RILPL1: variants seen among roughly 807,000 people sequenced by gnomAD.
The protein encoded by RILPL1 is RILP-like protein 1.
Under a neutral mutation model 50.3 loss-of-function variants are expected in RILPL1, and 33 were observed. The observed-to-expected ratio is 0.66, with a 90% CI of 0.50 to 0.88. RILPL1 has a LOEUF of 0.88. RILPL1 is among the 40% of genes least tolerant of loss of function. The pLI is 0.00. For missense variants in RILPL1, 418 were observed against 542.5 expected (o/e 0.77, Z 2.28); for synonymous variants, 205 against 228.6 (o/e 0.90, Z 0.93).
At chr12:123,517,940 GA>G (rs999954204) in intron 2 of RILPL1, among the ~76,000 whole-genome samples, 2 of 152,084 alleles carry the variant, frequency 1.3e-5, no homozygotes. Context: ...GATAAACCTC[GA>G]AAACATGTTA....
chr12:123,484,250 G>A lies in RILPL1; in HGVS notation c.997C>T (p.Arg333Ter). The A allele has an allele frequency of 7.5e-6, 12 of 1,609,682 alleles. No individual in the cohort carries two copies. Among genetic ancestry groups the A allele is most frequent in the Non-Finnish European group, 9.4e-6 (11 of 1,176,012 alleles). ...GCGATGGGTGGGGGTTGGGGTATTC[G>A]GTTTTCCTCTTCCATTTCTTCACTG... ...YKSEEMEEEN[R>*]IPQPPPIAHP... is the part of the protein sequence containing the mutation. The change falls in exon 6 of 7, where the codon CGA becomes TGA. Residue 333 changes from arginine to a stop codon, truncating the protein, a stop_gained. Transcript: ENST00000376874. LOFTEE classifies it high-confidence loss of function.
intron 2 of RILPL1, among the ~76,000 whole-genome samples, chr12:123,510,360 GGTGTGGTGTGTGTGTGTGT>G (rs1270250909): frequency 6.6e-6 from 1 of 152,162 alleles, no homozygotes; most frequent in African/African-American, 2.4e-5. Flanking sequence ...GCATGTGGGG[GGTGTGGTGTGTGTGTGTGT>G]GTGTGGTGTG....
intron 1 of RILPL1, among the ~76,000 whole-genome samples, chr12:123,526,916 A>G (rs770313050): frequency 1.3e-5 from 2 of 152,196 alleles, no homozygotes; most frequent in Non-Finnish European, 2.9e-5. Context: ...GGCTCAGAGA[A>G]TATCAGTCAA....
Position 123,522,884 on chromosome 12 carries a change from C to A in RILPL1, c.460+611G>T, listed in dbSNP as rs79370578. On this transcript the variant is annotated intron_variant, in intron 2 of 6. Coordinates refer to ENST00000376874, the MANE Select transcript of RILPL1 (RefSeq NM_178314.5). The surrounding 1 kb of genome is among the most constrained non-coding windows in gnomAD (Gnocchi z 4.0). ...CTGGGATCACAGGTGTGAGCCACTG[C>A]GCGCGGCCTACACCGGCCTTCTTGG... Among the ~76,000 whole-genome samples, 10 of 152,116 alleles carry A rather than the reference C, an allele frequency of 6.6e-5. No individual in the cohort carries two copies. Among genetic ancestry groups the A allele is most frequent in the Non-Finnish European group, 4.4e-5 (3 of 68,016 alleles).
At chr12:123,520,122 A>G (rs1884942761) in intron 2 of RILPL1, among the ~76,000 whole-genome samples, 1 of 152,244 alleles carries the variant, frequency 6.6e-6, no homozygotes, top group South Asian at 2.1e-4. Flanking sequence ...ATAGGTCCAC[A>G]CAAAAGCTTG....
intron 1 of RILPL1, among the ~76,000 whole-genome samples, chr12:123,528,840 G>A (rs566629093): frequency 6.6e-5 from 10 of 151,564 alleles, no homozygotes; most frequent in Non-Finnish European, 8.8e-5. Flanking sequence ...GCTGATTCTC[G>A]CCTCTGAGTT....
intron 2 of RILPL1, among the ~76,000 whole-genome samples, chr12:123,507,694 CACTTT>C (rs1415437601): frequency 6.6e-6 from 1 of 152,046 alleles, no homozygotes; most frequent in Non-Finnish European, 1.5e-5. Context: ...GTAATCCCAG[CACTTT>C]GGAAGGCCGG....
At chr12:123,476,457 A>G (rs929569701) in intron 6 of RILPL1, among the ~76,000 whole-genome samples, 5 of 149,728 alleles carry the variant, frequency 3.3e-5, no homozygotes, top group African/African-American at 1.2e-4. Flanking sequence ...AAAAAAGAAA[A>G]AAAGAAATAG....
chr12:123,533,383 C>A lies in RILPL1; in HGVS notation c.100G>T (p.Val34Leu). 1 of 1,563,546 alleles carries A rather than the reference C, an allele frequency of 6.4e-7. No individual in the cohort carries two copies. The highest frequency in any genetic ancestry group is 8.7e-7 in the Non-Finnish European group (1 of 1,155,654). Residue 34 changes from valine to leucine, a missense_variant, in exon 1 of 7, where the codon GTG (valine) becomes TTG (leucine). Val to Leu is a conservative substitution (Grantham distance 32). Transcript: ENST00000376874. The surrounding 1 kb of genome is among the most constrained non-coding windows in gnomAD (Gnocchi z 6.2). ...ATGACCCGCTCGAACTCGTGGCCCA[C>A]AAGCGACGCGATGTCGTACACGTCC... is the stretch of plus-strand genomic sequence containing the variant. ...VMDVYDIASL[V>L]GHEFERVIDQ...
At chr12:123,503,686 A>G (rs1883549505) in intron 2 of RILPL1, among the ~76,000 whole-genome samples, 1 of 152,068 alleles carries the variant, frequency 6.6e-6, no homozygotes. Context: ...GGCTCACCCA[A>G]GTAAGCCAGG....
chr12:123,511,402 GTGTGTGTGAGGTC>G, intron 2 of RILPL1, among the ~76,000 whole-genome samples: 1 of 144,226 alleles, frequency 6.9e-6, no homozygotes, highest in South Asian at 2.2e-4. Flanking sequence ...TGTGAGGTCT[GTGTGTGTGAGGTC>G]TGTGTGTGAG....
intron 6 of RILPL1, among the ~76,000 whole-genome samples, chr12:123,476,439 C>T (rs938981547): frequency 6.1e-5 from 9 of 148,306 alleles, no homozygotes; most frequent in Non-Finnish European, 1.2e-4. Context: ...AAAACTCCAT[C>T]TCAAGAAAAA....
intron 6 of RILPL1, among the ~76,000 whole-genome samples, chr12:123,477,711 T>C (rs774271297): frequency 6.6e-5 from 10 of 152,054 alleles, no homozygotes; most frequent in Non-Finnish European, 1.2e-4. Flanking sequence ...GCTAAGTGAA[T>C]GGGCCCCAGA....
At chr12:123,479,186 T>C (rs1395985094) in intron 6 of RILPL1, among the ~76,000 whole-genome samples, 1 of 152,082 alleles carries the variant, frequency 6.6e-6, no homozygotes, top group Non-Finnish European at 1.5e-5. Flanking sequence ...TAAATGTCAG[T>C]GGGCTTCTCT....
At chr12:123,515,326 T>C (rs917000300) in intron 2 of RILPL1, 2 of 151,992 alleles carry the variant, frequency 1.3e-5, no homozygotes, top group African/African-American at 2.4e-5. Context: ...TGTGTGTAGA[T>C]AGAAAGGGAA....
At chr12:123,525,700 CAAA>C (rs1207503097) in intron 1 of RILPL1, among the ~76,000 whole-genome samples, 5 of 44,984 alleles carry the variant, frequency 1.1e-4, no homozygotes, top group African/African-American at 2.1e-4. Context: ...GACACTGTCT[CAAA>C]AAAAAAAAAA....
intron 2 of RILPL1, among the ~76,000 whole-genome samples, chr12:123,513,147 TGTG>T: frequency 6.7e-6 from 1 of 150,318 alleles, no homozygotes; most frequent in African/African-American, 2.4e-5. Context: ...TCCGTGTGTG[TGTG>T]GTGTGAGGTC....
intron 6 of RILPL1, among the ~76,000 whole-genome samples, chr12:123,481,460 G>A (rs1291379133): frequency 1.3e-5 from 2 of 152,064 alleles, no homozygotes; most frequent in Non-Finnish European, 2.9e-5. Flanking sequence ...AGCCCACAGA[G>A]GAAAACCAAG....
chr12:123,493,095 C>T (rs1336446098), intron 4 of RILPL1, among the ~76,000 whole-genome samples: 1 of 152,078 alleles, frequency 6.6e-6, no homozygotes, highest in African/African-American at 2.4e-5. Flanking sequence ...AAGAGGAAGG[C>T]ATCTGTCTCC....
Sources: gnomAD v4.1 joint callset for allele counts (sites outside exome capture counted in the v4.1 genomes callset) on GRCh38, gnomAD v4.1.1 for gene constraint, Gnocchi (gnomAD v3.1) non-coding constraint, MANE v1.5 for transcripts, NCBI Gene and HGNC (gene_info 2026-07-23, HGNC 2026-07-21) for gene names.